EHBP1: variants seen among roughly 807,000 people sequenced by gnomAD.
EHBP1 encodes the protein EH domain binding protein 1.
EHBP1 carries 55 observed loss-of-function variants against 144.0 expected under a neutral mutation model. The ratio of observed to expected loss-of-function variants is 0.38; its 90% CI spans 0.31 to 0.48. The LOEUF (loss-of-function observed/expected upper bound fraction) is 0.48. Ranked by LOEUF, EHBP1 falls within the 20% of genes least tolerant of loss-of-function variation. The pLI is 0.98. For synonymous variants in EHBP1, 469 were observed against 472.7 expected (o/e 0.99, Z 0.10); for missense variants, 1,200 against 1,364.2 (o/e 0.88, Z 1.90).
intron 10 of EHBP1, among the ~76,000 whole-genome samples, chr2:62,903,500 C>A (rs969936925): frequency 6.6e-6 from 1 of 152,156 alleles, no homozygotes; most frequent in African/African-American, 2.4e-5. Flanking sequence ...CAGTGACTCA[C>A]GCCTGCAATC....
At chr2:62,680,167 G>A (rs2033461189) in intron 1 of EHBP1, among the ~76,000 whole-genome samples, 1 of 152,214 alleles carries the variant, frequency 6.6e-6, no homozygotes, top group Non-Finnish European at 1.5e-5. Context: ...GGAAAGGAAA[G>A]TTCTATTTTT....
intron 5 of EHBP1, among the ~76,000 whole-genome samples, chr2:62,796,955 A>G (rs1217700385): frequency 2.0e-5 from 3 of 152,074 alleles, no homozygotes; most frequent in Non-Finnish European, 2.9e-5. Flanking sequence ...TTAAAACCCA[A>G]TGAATAAAAG....
intron 13 of EHBP1, among the ~76,000 whole-genome samples, chr2:62,950,650 G>C (rs1224104294): frequency 6.6e-6 from 1 of 151,982 alleles, no homozygotes; most frequent in Non-Finnish European, 1.5e-5. Flanking sequence ...CATATATGGG[G>C]ATTTCGAGAC....
intron 11 of EHBP1, among the ~76,000 whole-genome samples, chr2:62,943,376 C>CAAAAAAAAA (rs11306610): frequency 3.4e-5 from 3 of 87,848 alleles, no homozygotes; most frequent in Admixed American, 1.3e-4. Context: ...AACTCCGTCT[C>CAAAAAAAAA]AAAAAAAAAA....
At chr2:62,858,402 A>G (rs1366994945) in intron 7 of EHBP1, 9 of 1,588,170 alleles carry the variant, frequency 5.7e-6, no homozygotes, top group Non-Finnish European at 7.7e-6. Flanking sequence ...GCTTCTGTTT[A>G]CAGAAATTGT....
At chr2:62,936,806 C>T (rs1014106590) in intron 10 of EHBP1, among the ~76,000 whole-genome samples, 1 of 151,862 alleles carries the variant, frequency 6.6e-6, no homozygotes, top group Non-Finnish European at 1.5e-5. Flanking sequence ...AATAATAAGA[C>T]CAATATAAAT....
chr2:62,865,944 C>G (rs143975029), intron 9 of EHBP1, among the ~76,000 whole-genome samples: 2 of 152,328 alleles, frequency 1.3e-5, no homozygotes, highest in East Asian at 3.9e-4. Flanking sequence ...TCTGTGAGAT[C>G]TGTTTCAGAG....
intron 15 of EHBP1, among the ~76,000 whole-genome samples, chr2:62,987,578 T>A (rs1326017268): frequency 6.6e-6 from 1 of 152,172 alleles, no homozygotes; most frequent in African/African-American, 2.4e-5. Flanking sequence ...TTTGATGACT[T>A]TGTCACCAAA....
chr2:62,922,349 G>GT (rs1048177317), intron 10 of EHBP1, among the ~76,000 whole-genome samples: 31 of 152,252 alleles, frequency 2.0e-4, no homozygotes, highest in Middle Eastern at 3.4e-3. Context: ...AACCCATGTT[G>GT]TTCAAGAGTC....
At chr2:62,699,115 T>A (rs2034197614) in intron 1 of EHBP1, among the ~76,000 whole-genome samples, 1 of 152,218 alleles carries the variant, frequency 6.6e-6, no homozygotes, top group South Asian at 2.1e-4. Flanking sequence ...GCCTTTCCTG[T>A]CTAGCCTTAT....
chr2:62,883,006 A>G (rs1264920481), intron 10 of EHBP1, among the ~76,000 whole-genome samples: 1 of 152,168 alleles, frequency 6.6e-6, no homozygotes, highest in East Asian at 1.9e-4. Context: ...CACACACACT[A>G]TACATATACA....
Position 62,700,240 on chromosome 2 carries a change from A to G in EHBP1, c.-295-6657A>G, listed in dbSNP as rs374553219. The stretch of plus-strand genomic sequence containing the variant: ...TTATTTTATTAAGAGTTATTATTTA[A>G]GGTTATATAACAGGCATAAATCTCA... On this transcript the variant is annotated intron_variant, in intron 1 of 22. Transcript: ENST00000405015. 1.1e-3 allele frequency among the ~76,000 whole-genome samples: 169 copies of G among 152,320 alleles called. 2 individuals are homozygous for G. Among genetic ancestry groups the G allele is most frequent in the African/African-American group, 4.0e-3 (166 of 41,566 alleles).
chr2:63,039,816 T>C (rs931089918), intron 21 of EHBP1, among the ~76,000 whole-genome samples: 1 of 152,196 alleles, frequency 6.6e-6, no homozygotes, highest in Non-Finnish European at 1.5e-5. Flanking sequence ...TTTTAGTTAC[T>C]TTTATATTCA....
chr2:62,983,536 A>G (rs1009480154), intron 15 of EHBP1, among the ~76,000 whole-genome samples: 11 of 152,076 alleles, frequency 7.2e-5, no homozygotes, highest in African/African-American at 2.7e-4. Flanking sequence ...TTAAACTGAC[A>G]TTTTTGCCTC....
Position 62,955,568 on chromosome 2 carries a change from C to T in EHBP1, c.2368C>T (p.Leu790Phe). 6.2e-7 allele frequency: 1 copy of T among 1,612,916 alleles called. No individual in the cohort carries two copies. The highest frequency in any genetic ancestry group is 8.5e-7 in the Non-Finnish European group (1 of 1,179,292). ...ACTTAAGGAAAGAGCAAGAGTTCTG[C>T]TTGAGCAAGCAAGAAGAGATGCAGC... ...EELKERARVL[L>F]EQARRDAALK... The change falls in exon 14 of 23, where the codon CTT becomes TTT. Residue 790 changes from leucine to phenylalanine, a missense_variant. Leu to Phe is a conservative substitution (Grantham distance 22). This residue lies in a region of EHBP1 where 543 missense variants were observed against 513.1 expected (regional missense o/e 1.06). Transcript: ENST00000431489.
intron 5 of EHBP1, among the ~76,000 whole-genome samples, chr2:62,796,347 C>G (rs2043535752): frequency 1.3e-5 from 2 of 152,022 alleles, no homozygotes; most frequent in African/African-American, 2.4e-5. Context: ...GATTGCACCT[C>G]TATGGTTAAG....
chr2:62,757,998 C>T (rs2040451672), intron 3 of EHBP1, among the ~76,000 whole-genome samples: 2 of 145,974 alleles, frequency 1.4e-5, no homozygotes, highest in African/African-American at 5.1e-5. Context: ...GGCGAAAGAG[C>T]GAGACTCTGT....
Position 62,948,624 on chromosome 2 carries a change from A to C in EHBP1, c.1778A>C (p.His593Pro). 1 of 1,613,992 alleles carries C rather than the reference A, an allele frequency of 6.2e-7. No individual in the cohort carries two copies. Among genetic ancestry groups the C allele is most frequent in the Non-Finnish European group, 8.5e-7 (1 of 1,179,998 alleles). The change falls in exon 13 of 23, where the codon CAT becomes CCT. Residue 593 changes from histidine (H) to proline (P), a missense_variant. His to Pro is a moderately conservative substitution (Grantham distance 77, BLOSUM62 -2). Transcript: ENST00000431489. ...DSGVGESESE[H>P]QTPDDHLSPS... ...GGGGTTGGAGAGTCAGAAAGTGAGC[A>C]TCAAACTCCTGATGATCACCTTAGT...
At chr2:63,039,247 A>G (rs1391551114) in intron 21 of EHBP1, among the ~76,000 whole-genome samples, 3 of 152,192 alleles carry the variant, frequency 2.0e-5, no homozygotes, top group Non-Finnish European at 2.9e-5. Flanking sequence ...TCAGTCTACT[A>G]CAGTTCTTAA....
Sources: gnomAD v4.1 joint callset for allele counts (sites outside exome capture counted in the v4.1 genomes callset) on GRCh38, gnomAD v4.1.1 for gene constraint, gnomAD v4.1.1 regional missense constraint, MANE v1.5 for transcripts, NCBI Gene and HGNC (gene_info 2026-07-23, HGNC 2026-07-21) for gene names.